The following KIF18A variants were observed in gnomAD, a reference collection of about 807,000 sequenced individuals.
The protein encoded by KIF18A is kinesin family member 18A, also known as kinesin-like protein KIF18A.
In KIF18A, 67 loss-of-function variants were observed where a neutral mutation model predicts 103.3. The ratio of observed to expected loss-of-function variants is 0.65; its 90% confidence interval spans 0.53 to 0.79. The LOEUF (loss-of-function observed/expected upper bound fraction) is 0.79. Among genes scored for constraint, KIF18A ranks in the 30% least tolerant of loss-of-function variants. KIF18A has a pLI of 0.00. For synonymous variants in KIF18A, 367 were observed against 355.5 expected, an observed-to-expected ratio of 1.03 and a Z score of -0.36; for missense variants, 1,032 against 1,062.5, an observed-to-expected ratio of 0.97 and a Z score of 0.40.
chr11:28,091,549 A>G, intron 3 of KIF18A, 36 bp from the exon 4 acceptor site: 1 of 993,216 alleles, frequency 1.0e-6, no homozygotes, highest in South Asian at 1.5e-5. Flanking sequence ...CATTGATGTA[A>G]AAAAAAAAAA....
intron 13 of KIF18A, among the ~76,000 whole-genome samples, chr11:28,037,013 T>C (rs764319201): frequency 1.1e-4 from 16 of 151,604 alleles, no homozygotes; most frequent in Admixed American, 4.6e-4. Context: ...GGGTTTAAGA[T>C]GAAAACAGTA....
At chr11:28,074,913 A>G (rs373977417) in intron 10 of KIF18A, among the ~76,000 whole-genome samples, 3 of 152,146 alleles carry the variant, frequency 2.0e-5, no homozygotes, top group East Asian at 1.9e-4. Flanking sequence ...CTCATCACCA[A>G]TGAATATCGA....
At chr11:28,081,518 G>A (rs558068807) in intron 9 of KIF18A, among the ~76,000 whole-genome samples, 8 of 152,130 alleles carry the variant, frequency 5.3e-5, no homozygotes, top group Admixed American at 3.3e-4. Context: ...CAGCACATCC[G>A]TTTACTTAAT....
At chr11:28,073,770 G>A (rs985032785) in intron 10 of KIF18A, among the ~76,000 whole-genome samples, 1 of 152,022 alleles carries the variant, frequency 6.6e-6, no homozygotes. Context: ...GCTCCAACTA[G>A]TATGTAAATA....
At chr11:28,074,416 GAAAT>G (rs1223315094) in intron 10 of KIF18A, among the ~76,000 whole-genome samples, 1 of 152,076 alleles carries the variant, frequency 6.6e-6, no homozygotes, top group East Asian at 1.9e-4. Context: ...TAAATTCGAA[GAAAT>G]AAATTGTTTC....
chr11:28,091,288 A>C, intron 4 of KIF18A, 121 bp downstream of exon 4: 1 of 589,946 alleles, frequency 1.7e-6, no homozygotes, highest in Non-Finnish European at 3.0e-6. Context: ...TAATCATTTA[A>C]ATTCTGTACC....
chr11:28,062,597 G>T, intron 11 of KIF18A, 81 bp from the exon 12 acceptor site: 2 of 1,071,290 alleles, frequency 1.9e-6, no homozygotes, highest in Non-Finnish European at 2.5e-6. Flanking sequence ...TTATATTGTT[G>T]CCAATAGTTT....
chr11:28,107,221 A>T (rs1252537463), intron 1 of KIF18A, among the ~76,000 whole-genome samples: 3 of 152,178 alleles, frequency 2.0e-5, no homozygotes, highest in East Asian at 3.9e-4. Flanking sequence ...CTAAAAATTA[A>T]AATCTGTAGA....
rs571620727 is a variant in KIF18A, at chr11:28,092,062, A to G, written c.484-549T>C. Among the ~76,000 whole-genome samples the G allele has an allele frequency of 5.9e-5, 9 of 152,088 alleles. No homozygotes were observed. In the South Asian group the frequency reaches 1.5e-3, roughly 25 times the overall value. ...GATCTTCTGACCTCGTGATCCGCCC[A>G]CCTCGGCCTCCCAAAGTGCTGGGAT... On this transcript the variant is annotated intron_variant, in intron 3 of 16. Transcript: ENST00000263181.
intron 13 of KIF18A, among the ~76,000 whole-genome samples, chr11:28,038,012 T>C (rs918667570): frequency 6.6e-5 from 10 of 151,608 alleles, no homozygotes; most frequent in Non-Finnish European, 3.0e-5. Flanking sequence ...GATTTTTTTT[T>C]CTACCTTTTC....
At chr11:28,083,364 T>A in intron 7 of KIF18A, 121 bp from the exon 8 acceptor site, 2 of 1,095,296 alleles carry the variant, frequency 1.8e-6, no homozygotes, top group Non-Finnish European at 1.2e-6. Context: ...GTGATAATTA[T>A]GCTCACATTT....
rs11030212 is a variant in KIF18A, at chr11:28,102,597, G to A, written c.-46-4604C>T. On this transcript the variant is annotated intron_variant, in intron 1 of 16. Transcript: ENST00000263181. ...TATTTTACAGAGTTTGACTCTTTCAGTCAATAGAATTTAAGTATAATGTCA... is the reference window on the plus strand; with the variant it reads ...TATTTTACAGAGTTTGACTCTTTCAATCAATAGAATTTAAGTATAATGTCA... 2.9e-3 allele frequency among the ~76,000 whole-genome samples: 436 copies of A among 152,196 alleles called. 1 individual carries two copies. Among genetic ancestry groups the A allele is most frequent in the Non-Finnish European group, 5.3e-3 (357 of 67,988 alleles).
At chr11:28,052,732 T>C (rs548175919) in intron 13 of KIF18A, among the ~76,000 whole-genome samples, 218 of 152,216 alleles carry the variant, frequency 1.4e-3, no homozygotes, top group African/African-American at 4.8e-3. Flanking sequence ...TCCTTGAGGG[T>C]GGTGGAGTTT....
At chr11:28,026,278 A>G (rs1850318894) in intron 15 of KIF18A, among the ~76,000 whole-genome samples, 1 of 151,830 alleles carries the variant, frequency 6.6e-6, no homozygotes, top group Non-Finnish European at 1.5e-5. Context: ...AAATACATAT[A>G]TAGAGAGCTT....
At chr11:28,068,343 C>T (rs184957017) in intron 11 of KIF18A, among the ~76,000 whole-genome samples, 37 of 150,976 alleles carry the variant, frequency 2.5e-4, no homozygotes, top group Non-Finnish European at 1.5e-5. Context: ...ACATAGATGA[C>T]GAGTTGATAG....
intron 9 of KIF18A, among the ~76,000 whole-genome samples, 153 bp from the exon 10 acceptor site, chr11:28,077,322 T>C (rs1477258693): frequency 2.6e-5 from 4 of 152,188 alleles, no homozygotes; most frequent in African/African-American, 9.6e-5. Context: ...GACTATTTCC[T>C]ATTATAAAAA....
chr11:28,066,660 C>T (rs984945855), intron 11 of KIF18A, among the ~76,000 whole-genome samples: 2 of 151,460 alleles, frequency 1.3e-5, no homozygotes, highest in Non-Finnish European at 1.5e-5. Context: ...AGGAAATATG[C>T]AAAATTGTAT....
At chr11:28,046,224 C>A (rs1356766766) in intron 13 of KIF18A, among the ~76,000 whole-genome samples, 5 of 151,734 alleles carry the variant, frequency 3.3e-5, no homozygotes, top group African/African-American at 4.8e-5. Context: ...ATAAATCATG[C>A]TGCTATAAAG....
chr11:28,088,850 T>C (rs1425091633), intron 5 of KIF18A, 129 bp from the exon 6 acceptor site: 4 of 708,574 alleles, frequency 5.6e-6, no homozygotes, highest in Non-Finnish European at 9.4e-6. Context: ...CAAGGTATAA[T>C]CTAATTGATA....
Sources: gnomAD v4.1 joint callset for allele counts (sites outside exome capture counted in the v4.1 genomes callset) on GRCh38, gnomAD v4.1.1 for gene constraint, MANE v1.5 for transcripts, NCBI Gene and HGNC (gene_info 2026-07-23, HGNC 2026-07-21) for gene names.